DLC1: variants seen among roughly 807,000 people sequenced by gnomAD.
DLC1 encodes DLC1 Rho GTPase activating protein, also known as rho GTPase-activating protein 7.
DLC1 carries 54 observed loss-of-function variants against 140.3 expected under a neutral mutation model. The ratio of observed to expected loss-of-function variants is 0.38; its 90% CI spans 0.31 to 0.48. The LOEUF is 0.48. Ranked by LOEUF, DLC1 falls within the 20% of genes least tolerant of loss-of-function variation. The pLI is 0.96. For synonymous variants in DLC1, 986 were observed against 728.1 expected (o/e 1.35, Z -5.70); for missense variants, 2,536 against 1,907.0 (o/e 1.33, Z -6.14).
At chr8:13,521,710 G>A (rs1013901303) in intron 1 of DLC1, among the ~76,000 whole-genome samples, 5 of 152,102 alleles carry the variant, frequency 3.3e-5, no homozygotes, top group Non-Finnish European at 7.4e-5. Context: ...AGTGAAGCAG[G>A]TATGAAATGT....
intron 5 of DLC1, among the ~76,000 whole-genome samples, chr8:13,194,046 TG>T (rs566028769): frequency 4.7e-4 from 72 of 152,248 alleles, no homozygotes; most frequent in African/African-American, 1.6e-3. Flanking sequence ...TGATAGAGAG[TG>T]GCTAGGGCTT....
intron 4 of DLC1, among the ~76,000 whole-genome samples, chr8:13,377,727 A>AT (rs536458173): frequency 5.1e-4 from 77 of 151,966 alleles, no homozygotes; most frequent in Middle Eastern, 3.4e-3. Flanking sequence ...AACCTCTGAA[A>AT]TTTTTTTTAA....
intron 5 of DLC1, among the ~76,000 whole-genome samples, chr8:13,172,254 C>A (rs1486961588): frequency 6.6e-6 from 1 of 152,190 alleles, no homozygotes; most frequent in East Asian, 1.9e-4. Flanking sequence ...TTTTCAACCT[C>A]ACTAATGGAG....
intron 1 of DLC1, among the ~76,000 whole-genome samples, chr8:13,520,488 G>T (rs1034229194): frequency 2.0e-5 from 3 of 152,122 alleles, no homozygotes; most frequent in African/African-American, 7.2e-5. Context: ...TGGGGGCTAG[G>T]GGAGGGATAA....
At chr8:13,539,234 C>T (rs1803403386) in intron 1 of DLC1, among the ~76,000 whole-genome samples, 1 of 151,744 alleles carries the variant, frequency 6.6e-6, no homozygotes, top group South Asian at 2.1e-4. Flanking sequence ...GAGTCTCGCT[C>T]TGTTGCCCAG....
intron 5 of DLC1, among the ~76,000 whole-genome samples, chr8:13,162,125 G>A (rs765064282): frequency 1.3e-5 from 2 of 152,130 alleles, no homozygotes; most frequent in Non-Finnish European, 2.9e-5. Flanking sequence ...TATATAGAGT[G>A]GCTGCCTCAA....
At chr8:13,514,894 C>T (rs1802533197), upstream of DLC1, 2 of 363,556 alleles carry the variant, frequency 5.5e-6, no homozygotes, top group African/African-American at 4.2e-5. Flanking sequence ...CCCAGATTGC[C>T]TGGAAAGTAT....
intron 4 of DLC1, among the ~76,000 whole-genome samples, chr8:13,347,375 A>C (rs1834394255): frequency 6.6e-6 from 1 of 152,206 alleles, no homozygotes. Flanking sequence ...AGAGCCCTAA[A>C]CATATCATCG....
At chr8:13,561,784 AT>A (rs1293964339) in intron 1 of DLC1, among the ~76,000 whole-genome samples, 6 of 152,212 alleles carry the variant, frequency 3.9e-5, no homozygotes, top group African/African-American at 1.4e-4. Context: ...TGTTTCATAA[AT>A]CCAAGACAAA....
chr8:13,179,652 T>C (rs972682172), intron 5 of DLC1, among the ~76,000 whole-genome samples: 12 of 151,790 alleles, frequency 7.9e-5, no homozygotes. Context: ...GCCCAGGAGG[T>C]TGCGGCCACA....
chr8:13,286,177 C>T lies in DLC1; in HGVS notation c.1348+19092G>A, dbSNP rs59596708. On this transcript the variant is annotated intron_variant, in intron 5 of 17. Coordinates refer to ENST00000276297, the MANE Select transcript of DLC1 (RefSeq NM_182643.3). ...GTCAAAGAAGCTCAGTGTTCAAAAT[C>T]TGATATCAGGAAAAATTCTCTAACC... 5.2e-3 allele frequency among the ~76,000 whole-genome samples: 786 copies of T among 152,190 alleles called. 12 individuals are homozygous for T. The highest frequency in any genetic ancestry group is 0.018 in the African/African-American group (749 of 41,500).
chr8:13,408,852 G>T (rs912852999), intron 2 of DLC1, among the ~76,000 whole-genome samples: 1 of 152,096 alleles, frequency 6.6e-6, no homozygotes, highest in Non-Finnish European at 1.5e-5. Context: ...TCTTAAAGCA[G>T]ACAAGACTTT....
intron 4 of DLC1, among the ~76,000 whole-genome samples, chr8:13,325,047 A>C (rs1833282258): frequency 6.6e-6 from 1 of 152,242 alleles, no homozygotes; most frequent in Admixed American, 6.5e-5. Flanking sequence ...GAAATGCATC[A>C]CATAGAAAAC....
intron 11 of DLC1, 23 bp from the exon 12 acceptor site, chr8:13,094,980 T>G: frequency 6.2e-7 from 1 of 1,614,052 alleles, no homozygotes; most frequent in Non-Finnish European, 8.5e-7. Context: ...CAACACTAAG[T>G]GTGGGGTACA....
chr8:13,452,508 C>T (rs530728088), intron 2 of DLC1, among the ~76,000 whole-genome samples: 2 of 152,218 alleles, frequency 1.3e-5, no homozygotes, highest in African/African-American at 2.4e-5. Flanking sequence ...ACTTTTCAAC[C>T]ATTTGCTAAA....
At chr8:13,475,859 A>G (rs973348716) in intron 2 of DLC1, among the ~76,000 whole-genome samples, 1 of 152,218 alleles carries the variant, frequency 6.6e-6, no homozygotes, top group African/African-American at 2.4e-5. Context: ...GAGTGAAATT[A>G]TGCAGACTCT....
At chr8:13,453,415 T>TGTGTATATATATGTGTATATATATAC (rs1799178608) in intron 2 of DLC1, among the ~76,000 whole-genome samples, 1 of 52,122 alleles carries the variant, frequency 1.9e-5, no homozygotes, top group South Asian at 6.7e-4. Flanking sequence ...TATATATATA[T>TGTGTATATATATGTGTATATATATAC]ATATATATGT....
Position 13,098,380 on chromosome 8 carries a change from T to C in DLC1, c.3167+19A>G. On this transcript the variant is annotated intron_variant, in intron 10 of 17. Transcript: ENST00000276297. Reference sequence around the variant, plus strand: ...AATATCATTTTCAACGACAGTTGACTGATCATTTAAACTCTTACCAGCTAA... The same window carrying C: ...AATATCATTTTCAACGACAGTTGACCGATCATTTAAACTCTTACCAGCTAA... The C allele has an allele frequency of 6.2e-7, 1 of 1,613,108 alleles. No homozygotes were observed. Among genetic ancestry groups the C allele is most frequent in the Non-Finnish European group, 8.5e-7 (1 of 1,179,312 alleles).
chr8:13,275,485 A>G (rs558494752), intron 5 of DLC1, among the ~76,000 whole-genome samples: 17 of 152,306 alleles, frequency 1.1e-4, no homozygotes, highest in African/African-American at 3.8e-4. Context: ...CTTAGAGAGC[A>G]AACAAGAAGG....
Sources: gnomAD v4.1 joint callset for allele counts (sites outside exome capture counted in the v4.1 genomes callset) on GRCh38, gnomAD v4.1.1 for gene constraint, MANE v1.5 for transcripts, NCBI Gene and HGNC (gene_info 2026-07-23, HGNC 2026-07-21) for gene names.